The following CA10 variants were observed in gnomAD, a reference collection of about 807,000 sequenced individuals.
The protein encoded by CA10 is carbonic anhydrase-related protein 10.
A neutral mutation model predicts 44.2 loss-of-function variants in CA10; 14 were observed. The ratio of observed to expected loss-of-function variants is 0.32; its 90% CI spans 0.21 to 0.50. The LOEUF (loss-of-function observed/expected upper bound fraction) is 0.50, where lower values mean the gene tolerates loss of function less well. Among genes scored for constraint, CA10 ranks in the 20% least tolerant of loss-of-function variants. The probability of loss-of-function intolerance (pLI) is 0.99; values close to 1 mark genes in which losing one functional copy is unlikely to be tolerated. For missense variants in CA10, 350 were observed against 409.7 expected, an observed-to-expected ratio of 0.85 and a Z score of 1.26; for synonymous variants, 159 against 141.6, an observed-to-expected ratio of 1.12 and a Z score of -0.87.
chr17:51,740,423 G>A (rs976565609), intron 4 of CA10, among the ~76,000 whole-genome samples: 1 of 152,086 alleles, frequency 6.6e-6, no homozygotes, highest in African/African-American at 2.4e-5. Flanking sequence ...GCTATATTAG[G>A]CAGTGTTATG....
At chr17:51,680,756 C>T (rs554573889) in intron 4 of CA10, among the ~76,000 whole-genome samples, 4 of 152,280 alleles carry the variant, frequency 2.6e-5, no homozygotes, top group Middle Eastern at 3.4e-3. Flanking sequence ...ATAACATGCT[C>T]AGTCTGAGGA....
intron 2 of CA10, among the ~76,000 whole-genome samples, chr17:52,046,066 G>A (rs1173122369): frequency 6.6e-6 from 1 of 151,884 alleles, no homozygotes; most frequent in Non-Finnish European, 1.5e-5. Context: ...TTTGTGGGAT[G>A]TTGCTAATGT....
Position 52,049,837 on chromosome 17 carries a change from C to T in CA10, c.136+22482G>A, listed in dbSNP as rs192144459. On this transcript the variant is annotated intron_variant, in intron 2 of 8. Coordinates refer to ENST00000451037, the MANE Select transcript of CA10 (RefSeq NM_020178.5). ...AGTCAGTGGTGGACTGTATATACAA[C>T]CATAATCCTATAAGATTATACTGGA... Among the ~76,000 whole-genome samples, 6 of 152,060 alleles carry T rather than the reference C, an allele frequency of 3.9e-5. No individual in the cohort carries two copies. The East Asian group carries it at 1.2e-3, about 29-fold the overall frequency.
intron 3 of CA10, among the ~76,000 whole-genome samples, chr17:51,777,754 G>C (rs947514678): frequency 6.6e-6 from 1 of 152,154 alleles, no homozygotes; most frequent in East Asian, 1.9e-4. Flanking sequence ...AACATGGCAA[G>C]ATCTTGTCTT....
At chr17:51,910,002 C>T (rs372955538) in intron 3 of CA10, among the ~76,000 whole-genome samples, 17 of 152,082 alleles carry the variant, frequency 1.1e-4, no homozygotes, top group African/African-American at 3.9e-4. Flanking sequence ...GCACTGCTTG[C>T]TTAATCTATC....
intron 2 of CA10, among the ~76,000 whole-genome samples, chr17:51,997,229 A>C (rs1985268924): frequency 6.6e-6 from 1 of 151,808 alleles, no homozygotes; most frequent in African/African-American, 2.4e-5. Flanking sequence ...TTGTAGATCT[A>C]TTATTTGTTG....
intron 3 of CA10, among the ~76,000 whole-genome samples, chr17:51,782,263 A>G (rs1906092440): frequency 6.6e-6 from 1 of 152,222 alleles, no homozygotes. Flanking sequence ...GGGAAAAATG[A>G]AAATATTTTT....
At chr17:51,937,858 G>A (rs903504755) in intron 2 of CA10, among the ~76,000 whole-genome samples, 5 of 152,130 alleles carry the variant, frequency 3.3e-5, no homozygotes, top group Admixed American at 2.0e-4. Context: ...CTCATAGAGA[G>A]TGCATTATTT....
chr17:52,039,727 T>C (rs1466803980), intron 2 of CA10, among the ~76,000 whole-genome samples: 2 of 152,122 alleles, frequency 1.3e-5, no homozygotes, highest in Admixed American at 1.3e-4. Context: ...TTTAATCATA[T>C]GCTAAGTGTA....
chr17:52,133,277 T>C (rs369126032), intron 1 of CA10, among the ~76,000 whole-genome samples: 2 of 152,186 alleles, frequency 1.3e-5, no homozygotes, highest in African/African-American at 2.4e-5. Flanking sequence ...CGGTGGGGCA[T>C]CCGTCCTCTG....
Position 51,839,500 on chromosome 17 carries a change from C to CAAAA in CA10, c.279+91486_279+91489dup, listed in dbSNP as rs34200978. Among the ~76,000 whole-genome samples, 20 of 36,288 alleles carry CAAAA rather than the reference C, an allele frequency of 5.5e-4. 1 individual carries two copies. The highest frequency in any genetic ancestry group is 1.1e-3 in the East Asian group (1 of 912). 23.8% of individuals were successfully genotyped at this position (36,288 alleles called of 152,430 possible). A position where few individuals can be genotyped will look rare whatever the true frequency, so the allele number is the denominator to read the frequency against. On this transcript the variant is annotated intron_variant, in intron 3 of 8. Coordinates refer to ENST00000451037, the MANE Select transcript of CA10 (RefSeq NM_020178.5). ...AGAGCAACAGAGCAAGACTCCTTCT[C>CAAAA]AAAAAAAAAAAAAAAAAAAAAAAAA... is the stretch of plus-strand genomic sequence containing the variant.
At chr17:52,074,972 C>CAT (rs1433878620) in intron 1 of CA10, among the ~76,000 whole-genome samples, 1 of 152,090 alleles carries the variant, frequency 6.6e-6, no homozygotes, top group East Asian at 1.9e-4. Context: ...AATAGCCAAA[C>CAT]ATATTTATTT....
At chr17:52,114,228 A>C (rs759943413) in intron 1 of CA10, among the ~76,000 whole-genome samples, 4 of 152,226 alleles carry the variant, frequency 2.6e-5, no homozygotes, top group Admixed American at 6.5e-5. Context: ...CAGATATGCC[A>C]CCAAATTCAA....
chr17:52,069,311 T>TA (rs1987618010), intron 2 of CA10, among the ~76,000 whole-genome samples: 1 of 152,142 alleles, frequency 6.6e-6, no homozygotes, highest in African/African-American at 2.4e-5. Flanking sequence ...CCATTGTTGG[T>TA]ATAAATCTCA....
intron 1 of CA10, 124 bp downstream of exon 1, chr17:52,157,602 C>T: frequency 1.2e-6 from 1 of 811,562 alleles, no homozygotes; most frequent in Non-Finnish European, 2.0e-6. Context: ...GGCGGCAAAC[C>T]CGCAGAACTC....
intron 1 of CA10, among the ~76,000 whole-genome samples, chr17:52,152,846 A>AATATAATT (rs1242515897): frequency 1.2e-4 from 18 of 152,232 alleles, no homozygotes; most frequent in African/African-American, 4.3e-4. Flanking sequence ...AGGCAAAGCA[A>AATATAATT]ATATAATTTT....
Position 51,717,859 on chromosome 17 carries a change from A to ATATATG in CA10, c.465+29773_465+29774insCATATA, listed in dbSNP as rs1916214935. On this transcript the variant is annotated intron_variant, in intron 4 of 8. Coordinates refer to ENST00000451037, the MANE Select transcript of CA10 (RefSeq NM_020178.5). ...TATATATATATATATATATATATAT[A>ATATATG]TATATATATACAGGATAGAATACTC... 2.0e-5 allele frequency among the ~76,000 whole-genome samples: 2 copies of ATATATG among 102,138 alleles called. 1 individual carries two copies. The highest frequency in any genetic ancestry group is 2.2e-4 in the Admixed American group (2 of 9,194). The allele number at this position is 102,138 out of a possible 152,430, so 67.0% of individuals were successfully genotyped here.
intron 3 of CA10, among the ~76,000 whole-genome samples, chr17:51,783,061 T>C (rs758074996): frequency 2.6e-5 from 4 of 152,250 alleles, no homozygotes; most frequent in Non-Finnish European, 5.9e-5. Flanking sequence ...ATATGGGAAG[T>C]AGACTTTTTA....
At chr17:51,737,479 G>A (rs1916950064) in intron 4 of CA10, among the ~76,000 whole-genome samples, 1 of 151,862 alleles carries the variant, frequency 6.6e-6, no homozygotes, top group Non-Finnish European at 1.5e-5. Context: ...AGCACTTTAT[G>A]GCTTAAAAAG....
Sources: gnomAD v4.1 joint callset for allele counts (sites outside exome capture counted in the v4.1 genomes callset) on GRCh38, gnomAD v4.1.1 for gene constraint, MANE v1.5 for transcripts, NCBI Gene and HGNC (gene_info 2026-07-23, HGNC 2026-07-21) for gene names.